TMTC4: variants seen among roughly 807,000 people sequenced by gnomAD.
TMTC4 encodes transmembrane O-mannosyltransferase targeting cadherins 4.
TMTC4 carries 65 observed loss-of-function variants against 86.0 expected under a neutral mutation model. The ratio of observed to expected loss-of-function variants is 0.76; its 90% CI spans 0.62 to 0.93. The LOEUF (loss-of-function observed/expected upper bound fraction) is 0.93. Ranked by LOEUF, TMTC4 falls within the 40% of genes least tolerant of loss-of-function variation. The probability of loss-of-function intolerance (pLI) is 0.00; values close to 1 mark genes in which losing one functional copy is unlikely to be tolerated. For synonymous variants in TMTC4, 379 were observed against 382.5 expected (o/e 0.99, Z 0.11); for missense variants, 866 against 948.1 (o/e 0.91, Z 1.14).
chr13:100,664,073 A>C, intron 4 of TMTC4, 148 bp downstream of exon 4: 1 of 524,014 alleles, frequency 1.9e-6, no homozygotes, highest in Non-Finnish European at 3.3e-6. Flanking sequence ...CTCTGCACCT[A>C]GAGACCCATG....
intron 3 of TMTC4, among the ~76,000 whole-genome samples, chr13:100,665,769 G>C (rs1192207448): frequency 6.6e-6 from 1 of 152,232 alleles, no homozygotes; most frequent in East Asian, 1.9e-4. Flanking sequence ...CTGACTCAAA[G>C]GGAAAGGCTT....
At chr13:100,609,717 A>G (rs1439352016) in intron 17 of TMTC4, among the ~76,000 whole-genome samples, 1 of 151,258 alleles carries the variant, frequency 6.6e-6, no homozygotes, top group Non-Finnish European at 1.5e-5. Flanking sequence ...ACATATATAC[A>G]TATACATATT....
In TMTC4 at chr13:100,637,593, G is replaced by C. The variant is rs777266363; in HGVS notation, c.944C>G (p.Pro315Arg). 2 of 1,614,160 alleles carry C rather than the reference G, an allele frequency of 1.2e-6. No individual in the cohort carries two copies. The highest frequency in any genetic ancestry group is 3.3e-5 in the Admixed American group (2 of 60,026). The change falls in exon 9 of 19, where the codon CCG (proline) becomes CGG (arginine). Residue 315 changes from proline to arginine, a missense_variant. Transcript: ENST00000342624. Reference sequence around the variant, plus strand: ...CGGGTTGTCCACCTCGGTGAAGGCCGGCGGGCCCGTGCCCATGATCCTCCA... The same window carrying C: ...CGGGTTGTCCACCTCGGTGAAGGCCCGCGGGCCCGTGCCCATGATCCTCCA... The part of the protein sequence containing the change: ...VRWRIMGTGP[P>R]AFTEVDNPAS...
At chr13:100,661,527 T>C (rs1177625734) in intron 5 of TMTC4, among the ~76,000 whole-genome samples, 1 of 152,198 alleles carries the variant, frequency 6.6e-6, no homozygotes, top group East Asian at 1.9e-4. Flanking sequence ...TCAGGATCAA[T>C]GGCTGCACTA....
intron 6 of TMTC4, among the ~76,000 whole-genome samples, chr13:100,643,801 T>C (rs1209469522): frequency 1.3e-5 from 2 of 152,152 alleles, no homozygotes; most frequent in African/African-American, 4.8e-5. Context: ...CCTGGTCAGC[T>C]TAGAGGGGGA....
At chr13:100,608,622 G>A (rs929986934) in intron 17 of TMTC4, among the ~76,000 whole-genome samples, 1 of 152,156 alleles carries the variant, frequency 6.6e-6, no homozygotes, top group Non-Finnish European at 1.5e-5. Context: ...CGCAGCATCT[G>A]TGAGTATTCA....
intron 7 of TMTC4, among the ~76,000 whole-genome samples, chr13:100,641,030 G>A (rs1169301140): frequency 7.2e-5 from 11 of 151,896 alleles, no homozygotes; most frequent in Admixed American, 7.2e-4. Flanking sequence ...ATGTCTTTCC[G>A]CTTCAGAGAG....
intron 15 of TMTC4, among the ~76,000 whole-genome samples, chr13:100,624,659 C>T (rs1002087359): frequency 3.3e-5 from 5 of 152,322 alleles, no homozygotes; most frequent in South Asian, 2.1e-4. Context: ...CTTTAGAACA[C>T]GAGGATGCCT....
rs1182228768 is a variant in TMTC4 at position 100,609,207 on chromosome 13, T to C, written c.2065-2780A>G. Among the ~76,000 whole-genome samples, 3 of 152,298 alleles carry C rather than the reference T, an allele frequency of 2.0e-5. No homozygotes were observed. The East Asian group carries it at 5.8e-4, about 29-fold the overall frequency. Reference sequence around the variant, plus strand: ...CTCTAACATACCGGCCAATCTCTCCTTGAAGCTAAGAGAGCTCAGAGCCTT... The same window carrying C: ...CTCTAACATACCGGCCAATCTCTCCCTGAAGCTAAGAGAGCTCAGAGCCTT... On this transcript the variant is annotated intron_variant, in intron 17 of 18. Transcript: ENST00000342624.
chr13:100,662,268 G>T (rs1885875729), intron 5 of TMTC4, among the ~76,000 whole-genome samples: 1 of 141,514 alleles, frequency 7.1e-6, no homozygotes, highest in Non-Finnish European at 1.5e-5. Flanking sequence ...AGGGTGGAGA[G>T]ACTTCACCAG....
intron 7 of TMTC4, among the ~76,000 whole-genome samples, chr13:100,639,646 C>T (rs991863786): frequency 6.6e-6 from 1 of 152,146 alleles, no homozygotes; most frequent in Non-Finnish European, 1.5e-5. Context: ...TCCTGAAAAA[C>T]GGCACAGAGG....
At chr13:100,641,013 A>C (rs917826884) in intron 7 of TMTC4, among the ~76,000 whole-genome samples, 2 of 152,044 alleles carry the variant, frequency 1.3e-5, no homozygotes, top group African/African-American at 4.8e-5. Context: ...TCAGACTGAA[A>C]AGGTAGATGT....
intron 15 of TMTC4, among the ~76,000 whole-genome samples, chr13:100,622,604 A>T (rs1879701092): frequency 6.6e-6 from 1 of 152,076 alleles, no homozygotes; most frequent in Admixed American, 6.5e-5. Flanking sequence ...CTGCCATGTA[A>T]GATGTGCCTT....
At chr13:100,621,717 G>A (rs1484056719) in intron 15 of TMTC4, among the ~76,000 whole-genome samples, 1 of 152,120 alleles carries the variant, frequency 6.6e-6, no homozygotes, top group African/African-American at 2.4e-5. Context: ...GAGCCACCGC[G>A]CCCAACCAAA....
At chr13:100,618,176 CA>C (rs1199988792) in intron 15 of TMTC4, among the ~76,000 whole-genome samples, 5 of 152,148 alleles carry the variant, frequency 3.3e-5, no homozygotes, top group African/African-American at 1.2e-4. Flanking sequence ...TACTTTTGTA[CA>C]CTGACTTTGT....
intron 7 of TMTC4, 192 bp from the exon 8 acceptor site, chr13:100,638,214 T>G (rs999187164): frequency 1.7e-4 from 85 of 506,108 alleles, no homozygotes; most frequent in Middle Eastern, 4.8e-4. Context: ...AGGTAATAGA[T>G]CATATTTATT....
intron 15 of TMTC4, chr13:100,623,802 G>A (rs1879974100): frequency 2.6e-6 from 1 of 386,942 alleles, no homozygotes; most frequent in Non-Finnish European, 5.2e-6. Flanking sequence ...CTCCACAGCT[G>A]GGGCATTGCT....
intron 1 of TMTC4, chr13:100,674,295 G>A (rs1887540859): frequency 1.0e-6 from 1 of 979,236 alleles, no homozygotes; most frequent in Non-Finnish European, 1.2e-6. Flanking sequence ...AAGCGGCCCG[G>A]CTGTGTCCAG....
chr13:100,669,981 A>G (rs1886887657), intron 2 of TMTC4, among the ~76,000 whole-genome samples: 1 of 152,164 alleles, frequency 6.6e-6, no homozygotes, highest in African/African-American at 2.4e-5. Context: ...TAGGATTCCC[A>G]GCACTGCCTG....
Sources: gnomAD v4.1 joint callset for allele counts (sites outside exome capture counted in the v4.1 genomes callset) on GRCh38, gnomAD v4.1.1 for gene constraint, MANE v1.5 for transcripts, NCBI Gene and HGNC (gene_info 2026-07-23, HGNC 2026-07-21) for gene names.